The following DOCK6 variants were observed in gnomAD, a reference collection of about 807,000 sequenced individuals.
DOCK6 encodes the protein dedicator of cytokinesis 6.
A neutral mutation model predicts 230.3 loss-of-function variants in DOCK6; 167 were observed. The ratio of observed to expected loss-of-function variants is 0.73; its 90% confidence interval spans 0.64 to 0.82. DOCK6 has a LOEUF of 0.82. Ranked by LOEUF, DOCK6 falls within the 40% of genes least tolerant of loss-of-function variation. DOCK6 has a pLI of 0.00. For missense variants in DOCK6, 2,598 were observed against 2,825.8 expected (o/e 0.92, Z 1.83); for synonymous variants, 1,148 against 1,185.0 (o/e 0.97, Z 0.64).
chr19:11,204,037 C>G lies in DOCK6; in HGVS notation c.5235+44G>C, dbSNP rs201016446. 32 of 1,549,176 alleles carry G rather than the reference C, an allele frequency of 2.1e-5. No homozygotes were observed. The East Asian group carries it at 4.6e-4, about 22-fold the overall frequency. On this transcript the variant is annotated intron_variant, in intron 41 of 47. Transcript: ENST00000294618. ...ACTGATGGCTGCTGGCCAGTCATCA[C>G]GGGGGTCCCAGAGGCAGGTGGCTGT...
intron 22 of DOCK6, among the ~76,000 whole-genome samples, chr19:11,230,244 CAGG>C (rs1452871928): frequency 2.0e-5 from 3 of 151,902 alleles, no homozygotes; most frequent in Admixed American, 6.6e-5. Flanking sequence ...GAGGCTGAGG[CAGG>C]AGAATCGCTT....
At chr19:11,204,653 C>G (rs1245595490) in intron 39 of DOCK6, among the ~76,000 whole-genome samples, 1 of 152,106 alleles carries the variant, frequency 6.6e-6, no homozygotes. Context: ...GATGCTCCCA[C>G]CCTAGCCTCC....
chr19:11,248,165 GGGGTGGGAGCT>G lies in DOCK6; in HGVS notation c.721-25_721-15del. ...CACGGCTTCATCCTGCCAAGAGTGGGGGGTGGGAGCTGGGCGGGAGGAGCTGGGACATCCTC... is the reference window on the plus strand; with the variant it reads ...CACGGCTTCATCCTGCCAAGAGTGGGGGGCGGGAGGAGCTGGGACATCCTC... On this transcript the variant is annotated splice_polypyrimidine_tract_variant and intron_variant, in intron 6 of 47. Coordinates refer to ENST00000294618, the MANE Select transcript of DOCK6 (RefSeq NM_020812.4). 1.9e-6 allele frequency: 3 copies of G among 1,568,920 alleles called. No homozygotes were observed. Among genetic ancestry groups the G allele is most frequent in the Non-Finnish European group, 2.6e-6 (3 of 1,144,142 alleles).
rs868697731 is a variant in DOCK6, at chr19:11,208,501, G to A, written c.5088+185C>T. 4.0e-4 allele frequency: 297 copies of A among 733,700 alleles called. 1 individual carries two copies. Among genetic ancestry groups the A allele is most frequent in the Middle Eastern group, 1.7e-3 (5 of 3,024 alleles). The allele number at this position is 733,700 out of a possible 1,614,324, so 45.4% of individuals were successfully genotyped here. A position where few individuals can be genotyped will look rare whatever the true frequency, so the allele number is the denominator to read the frequency against. On this transcript the variant is annotated intron_variant, in intron 39 of 47. Coordinates refer to ENST00000294618, the MANE Select transcript of DOCK6 (RefSeq NM_020812.4). The stretch of plus-strand genomic sequence containing the variant: ...TCACCATGCTGGCCAGGCTGGTCTC[G>A]AACTCCTGGCCTCATGACCTGCCTG...
intron 39 of DOCK6, 38 bp downstream of exon 39, chr19:11,208,648 C>T (rs201535319): frequency 2.6e-5 from 42 of 1,588,952 alleles, no homozygotes; most frequent in African/African-American, 1.9e-4. Context: ...CTCCCTGGCC[C>T]GAGCCCCCTC....
rs1039853614 is a variant in DOCK6 at position 11,235,763 on chromosome 19, C to T, written c.2393-4G>A. 6.3e-7 allele frequency: 1 copy of T among 1,581,912 alleles called. No homozygotes were observed. Among genetic ancestry groups the T allele is most frequent in the Non-Finnish European group, 8.6e-7 (1 of 1,162,300 alleles). ...AAGGCTCCACGGCCCAGGTTCACTG[C>T]AGGGCAGAGCAGAGGTCAAGTTCCA... is the stretch of plus-strand genomic sequence containing the variant. On this transcript the variant is annotated splice_polypyrimidine_tract_variant and splice_region_variant and intron_variant, in intron 20 of 47. Transcript: ENST00000294618.
At chr19:11,226,143 C>T (rs1039598270) in intron 24 of DOCK6, among the ~76,000 whole-genome samples, 1 of 152,190 alleles carries the variant, frequency 6.6e-6, no homozygotes, top group African/African-American at 2.4e-5. Context: ...TTAGGTGGGA[C>T]ATCTGCCCTC....
At chr19:11,258,906 G>A (rs1180690271) in intron 1 of DOCK6, among the ~76,000 whole-genome samples, 2 of 150,996 alleles carry the variant, frequency 1.3e-5, no homozygotes, top group African/African-American at 4.9e-5. Flanking sequence ...ACAGGCACTC[G>A]CCACCATGCC....
At chr19:11,240,354 T>C in intron 14 of DOCK6, 1 of 1,463,874 alleles carries the variant, frequency 6.8e-7, no homozygotes, top group Non-Finnish European at 9.0e-7. Flanking sequence ...CAGAACTCGC[T>C]TCTGCACCTT....
In DOCK6 at chr19:11,201,277, A is replaced by G. The variant is rs558092923; in HGVS notation, c.5689-225T>C. Among the ~76,000 whole-genome samples the G allele has an allele frequency of 1.4e-4, 21 of 151,866 alleles. No individual in the cohort carries two copies. The East Asian group carries it at 4.1e-3, about 30-fold the overall frequency. On this transcript the variant is annotated intron_variant, in intron 44 of 47. Coordinates refer to ENST00000294618, the MANE Select transcript of DOCK6 (RefSeq NM_020812.4). This position sits in a 1 kb window ranked among gnomAD's most constrained non-coding sequence, Gnocchi z 4.3. ...GGGGCTTTACCTCTGGGGTCTCCAG[A>G]CTTCCTTGGGTCTGGAGGTAGAGAT...
chr19:11,222,807 GGTCACGTAGTGCTC>G lies in DOCK6; in HGVS notation c.3154_3167del (p.Glu1052ProfsTer68). On this transcript the variant is annotated frameshift_variant, in exon 26 of 48. Coordinates refer to ENST00000294618, the MANE Select transcript of DOCK6 (RefSeq NM_020812.4). LOFTEE classifies it high-confidence loss of function. The surrounding 1 kb of genome is among the most constrained non-coding windows in gnomAD (Gnocchi z 4.0). ...ACAGGGGGCAGCAGGGGAGGTTGAG[GGTCACGTAGTGCTC>G]GTGGCTGCACAGGATGCGGGTGAAT... The G allele has an allele frequency of 2.5e-6, 4 of 1,591,344 alleles. No individual in the cohort carries two copies. The highest frequency in any genetic ancestry group is 3.4e-6 in the Non-Finnish European group (4 of 1,169,328).
intron 28 of DOCK6, among the ~76,000 whole-genome samples, chr19:11,220,032 C>T (rs760756803): frequency 1.3e-5 from 2 of 151,638 alleles, no homozygotes; most frequent in Non-Finnish European, 2.9e-5. Context: ...CGGCTCACTG[C>T]GACCTCCATC....
chr19:11,200,193 G>A lies in DOCK6; in HGVS notation c.6101+115C>T. 2 of 1,093,406 alleles carry A rather than the reference G, an allele frequency of 1.8e-6. No individual in the cohort carries two copies. Among genetic ancestry groups the A allele is most frequent in the South Asian group, 1.9e-5 (1 of 51,442 alleles). 67.7% of individuals were successfully genotyped at this position (1,093,406 alleles called of 1,614,324 possible). On this transcript the variant is annotated intron_variant, in intron 47 of 47. Coordinates refer to ENST00000294618, the MANE Select transcript of DOCK6 (RefSeq NM_020812.4). This position sits in a 1 kb window ranked among gnomAD's most constrained non-coding sequence, Gnocchi z 4.3. ...AAACCGGAAACAAAACAAAGTCCAA[G>A]CTACCAGCAAACATGTTGCTGTGTA...
chr19:11,233,489 A>G (rs1193261322), intron 21 of DOCK6, 123 bp from the exon 22 acceptor site: 10 of 1,256,328 alleles, frequency 8.0e-6, no homozygotes, highest in Non-Finnish European at 1.1e-5. Context: ...TTCCTCATCT[A>G]TAAAATAGGC....
Position 11,212,091 on chromosome 19 carries a change from G to A in DOCK6, c.4552C>T (p.Gln1518Ter). ...MSLSSLVGTT[Q>*]NFSEEHLRRS... ...CGCAGGTGCTCTTCACTGAAGTTCT[G>A]CGTCGTCCCCACCAGGGACGAGAGA... The change falls in exon 36 of 48, where the codon CAG (glutamine) becomes TAG (stop). Residue 1518 changes from glutamine to a stop codon, truncating the protein, a stop_gained. Transcript: ENST00000294618. LOFTEE classifies it high-confidence loss of function. 16 of 1,612,286 alleles carry A rather than the reference G, an allele frequency of 9.9e-6. No individual in the cohort carries two copies. Among genetic ancestry groups the A allele is most frequent in the Non-Finnish European group, 1.4e-5 (16 of 1,179,608 alleles).
intron 22 of DOCK6, 75 bp from the exon 23 acceptor site, chr19:11,229,110 G>A: frequency 6.8e-7 from 1 of 1,462,712 alleles, no homozygotes; most frequent in Non-Finnish European, 9.4e-7. Flanking sequence ...CATGCCAGGG[G>A]AAGATGCAGC....
rs368265737 is a variant in DOCK6, at chr19:11,201,206, G to T, written c.5689-154C>A. On this transcript the variant is annotated intron_variant, in intron 44 of 47. Coordinates refer to ENST00000294618, the MANE Select transcript of DOCK6 (RefSeq NM_020812.4). This position sits in a 1 kb window ranked among gnomAD's most constrained non-coding sequence, Gnocchi z 4.3. ...GGGGGCCTTCCTGGGTCTGACTCTG[G>T]GGGGGTCCAGCCTTGGGTCTGCTGG... Among the ~76,000 whole-genome samples the T allele has an allele frequency of 1.3e-5, 2 of 152,014 alleles. No homozygotes were observed. Among genetic ancestry groups the T allele is most frequent in the Non-Finnish European group, 2.9e-5 (2 of 67,964 alleles).
rs765850523 is a variant in DOCK6, at chr19:11,211,795, G to A, written c.4732C>T (p.Leu1578Phe). The change falls in exon 37 of 48, where the codon CTC (leucine) becomes TTC (phenylalanine). Residue 1578 changes from leucine (L) to phenylalanine (F), a missense_variant. Coordinates refer to ENST00000294618, the MANE Select transcript of DOCK6 (RefSeq NM_020812.4). Reference protein sequence around the residue: ...MKEHQEDPEMLIDLMYRIARG... With the variant: ...MKEHQEDPEMFIDLMYRIARG... ...CCTCACCTGTACATGAGGTCGATGA[G>A]CATCTCAGGGTCCTCCTGGTGTTCC... The A allele has an allele frequency of 7.3e-5, 114 of 1,551,462 alleles. No homozygotes were observed. The highest frequency in any genetic ancestry group is 2.3e-4 in the South Asian group (19 of 84,072).
chr19:11,262,347 G>GGAGCCGGGCCA, intron 1 of DOCK6, 50 bp downstream of exon 1: 1 of 1,209,868 alleles, frequency 8.3e-7, no homozygotes, highest in Non-Finnish European at 1.0e-6. Flanking sequence ...GCCCCGGGGC[G>GGAGCCGGGCCA]GAGCCGGGCC....
Sources: gnomAD v4.1 joint callset for allele counts (sites outside exome capture counted in the v4.1 genomes callset) on GRCh38, gnomAD v4.1.1 for gene constraint, Gnocchi (gnomAD v3.1) non-coding constraint, MANE v1.5 for transcripts, NCBI Gene and HGNC (gene_info 2026-07-23, HGNC 2026-07-21) for gene names.